Variants in ZBTB20 observed in about 807,000 individuals in gnomAD.
ZBTB20 encodes zinc finger and BTB domain containing 20, also known as zinc finger and BTB domain-containing protein 20.
In ZBTB20, 9 loss-of-function variants were observed where a neutral mutation model predicts 56.9. The observed-to-expected ratio is 0.16, with a 90% confidence interval of 0.10 to 0.28. The LOEUF is 0.28. Ranked by LOEUF, ZBTB20 falls within the 10% of genes least tolerant of loss-of-function variation. ZBTB20 has a pLI of 1.00. For synonymous variants in ZBTB20, 417 were observed against 420.7 expected (o/e 0.99, Z 0.11); for missense variants, 655 against 1,003.0 (o/e 0.65, Z 4.69).
intron 2 of ZBTB20, among the ~76,000 whole-genome samples, chr3:114,991,843 C>T (rs2078825329): frequency 6.6e-6 from 1 of 152,078 alleles, no homozygotes; most frequent in Non-Finnish European, 1.5e-5. Context: ...GAATTGATCC[C>T]TTTACCATCA....
rs574613356 is a variant in ZBTB20 at position 114,333,321 on chromosome 3, G to GC, written c.*5683dup. 147 of 152,328 alleles carry GC rather than the reference G, an allele frequency of 9.7e-4. No homozygotes were observed. Among genetic ancestry groups the GC allele is most frequent in the Non-Finnish European group, 1.8e-3 (123 of 68,032 alleles). The allele number at this position is 152,328 out of a possible 1,614,324, so 9.4% of individuals were successfully genotyped here. ...CTCTCAAGAGCAAGGGCTCTTCCGT[G>GC]CCCCTTTTCTGCCTCTGTATGTAGC... On this transcript the variant is annotated 3_prime_UTR_variant, in exon 12 of 12. Coordinates refer to ENST00000675478, the MANE Select transcript of ZBTB20 (RefSeq NM_001348800.3).
At chr3:114,736,652 T>C (rs1578611102) in intron 5 of ZBTB20, among the ~76,000 whole-genome samples, 1 of 152,220 alleles carries the variant, frequency 6.6e-6, no homozygotes, top group Non-Finnish European at 1.5e-5. Context: ...GTTATCAAAA[T>C]TGGGCATAAA....
At chr3:114,462,043 A>T (rs1287258364) in intron 7 of ZBTB20, among the ~76,000 whole-genome samples, 1 of 152,218 alleles carries the variant, frequency 6.6e-6, no homozygotes, top group African/African-American at 2.4e-5. Context: ...AATTAATAAT[A>T]ATAATAAATT....
At chr3:114,657,065 C>T (rs1394207765) in intron 6 of ZBTB20, among the ~76,000 whole-genome samples, 2 of 152,162 alleles carry the variant, frequency 1.3e-5, no homozygotes, top group African/African-American at 4.8e-5. Context: ...TTACATGTCA[C>T]ATTTTTCTGT....
chr3:114,593,640 T>C (rs2056026032), intron 6 of ZBTB20, among the ~76,000 whole-genome samples: 1 of 152,156 alleles, frequency 6.6e-6, no homozygotes, highest in Non-Finnish European at 1.5e-5. Flanking sequence ...CACCTTGGCC[T>C]CCCAAAGTGC....
At chr3:114,951,332 G>T (rs2077060829) in intron 3 of ZBTB20, among the ~76,000 whole-genome samples, 1 of 151,892 alleles carries the variant, frequency 6.6e-6, no homozygotes, top group African/African-American at 2.4e-5. Context: ...GCCCCAGCTT[G>T]CTGGCTGGAG....
intron 1 of ZBTB20, among the ~76,000 whole-genome samples, chr3:115,086,597 C>A (rs959970553): frequency 2.6e-5 from 4 of 151,854 alleles, no homozygotes; most frequent in African/African-American, 9.7e-5. Flanking sequence ...ATGTGTGTAG[C>A]TGCTTCGGGC....
chr3:114,663,278 C>T (rs886776154), intron 6 of ZBTB20, among the ~76,000 whole-genome samples: 6 of 150,706 alleles, frequency 4.0e-5, no homozygotes, highest in African/African-American at 1.5e-4. Flanking sequence ...ATTTCATATC[C>T]AGCCAAACTA....
intron 6 of ZBTB20, among the ~76,000 whole-genome samples, chr3:114,653,901 A>T (rs1185518909): frequency 6.6e-6 from 1 of 151,922 alleles, no homozygotes; most frequent in Non-Finnish European, 1.5e-5. Flanking sequence ...GAAATTATTG[A>T]CATGAAGTTT....
intron 3 of ZBTB20, among the ~76,000 whole-genome samples, chr3:114,967,259 TAGC>T (rs1243371910): frequency 2.6e-5 from 4 of 152,206 alleles, no homozygotes; most frequent in East Asian, 1.9e-4. Context: ...TTTTATTAAA[TAGC>T]AGCAGAAAAC....
At chr3:114,695,201 A>G in intron 5 of ZBTB20, among the ~76,000 whole-genome samples, 1 of 152,116 alleles carries the variant, frequency 6.6e-6, no homozygotes, top group East Asian at 1.9e-4. Flanking sequence ...AAGAGTTGTC[A>G]AAGACTTATG....
intron 5 of ZBTB20, among the ~76,000 whole-genome samples, chr3:114,772,024 T>C (rs2069245716): frequency 2.0e-5 from 3 of 152,124 alleles, no homozygotes; most frequent in African/African-American, 7.2e-5. Context: ...AGACTTGAGA[T>C]TTTTCTGTTT....
At chr3:114,389,298 T>A (rs536411874) in intron 7 of ZBTB20, among the ~76,000 whole-genome samples, 193 bp from the exon 8 acceptor site, 9 of 152,200 alleles carry the variant, frequency 5.9e-5, no homozygotes, top group Non-Finnish European at 1.0e-4. Flanking sequence ...CCATTTTCAG[T>A]GCTTTCACCT....
intron 2 of ZBTB20, among the ~76,000 whole-genome samples, chr3:115,064,785 C>T (rs1244179028): frequency 6.6e-6 from 1 of 152,106 alleles, no homozygotes; most frequent in Admixed American, 6.5e-5. Context: ...CATCTTCTAG[C>T]TTTGAATGTT....
chr3:114,363,941 G>GA (rs1329867012), intron 10 of ZBTB20, among the ~76,000 whole-genome samples: 1 of 152,130 alleles, frequency 6.6e-6, no homozygotes, highest in Non-Finnish European at 1.5e-5. Flanking sequence ...CTTGCAAAAA[G>GA]AAATTTCAGC....
rs2078787054 is a variant in ZBTB20 at position 114,318,761 on chromosome 3, G to A, written c.*20244C>T. 6.6e-6 allele frequency: 1 copy of A among 152,172 alleles called. No homozygotes were observed. Among genetic ancestry groups the A allele is most frequent in the Admixed American group, 6.5e-5 (1 of 15,282 alleles). The allele number at this position is 152,172 out of a possible 1,614,324, so 9.4% of individuals were successfully genotyped here. The stretch of plus-strand genomic sequence containing the variant: ...ACTTTTTCAAACCATAAAAATTAAA[G>A]CAGGGCTTCGGTGGCTTTGATAATC... On this transcript the variant is annotated 3_prime_UTR_variant, in exon 12 of 12. Transcript: ENST00000675478.
chr3:114,910,443 G>T (rs1450424356), intron 3 of ZBTB20, among the ~76,000 whole-genome samples: 1 of 151,794 alleles, frequency 6.6e-6, no homozygotes, highest in Non-Finnish European at 1.5e-5. Context: ...CTCAACTCTT[G>T]TATAAGGCCC....
At chr3:114,859,690 G>A (rs529193383) in intron 4 of ZBTB20, among the ~76,000 whole-genome samples, 34 of 150,870 alleles carry the variant, frequency 2.3e-4, no homozygotes, top group Non-Finnish European at 4.0e-4. Context: ...CTAAGCAAAG[G>A]CAGTCTTTTA....
intron 7 of ZBTB20, among the ~76,000 whole-genome samples, chr3:114,475,848 A>G (rs929888149): frequency 6.6e-6 from 1 of 152,166 alleles, no homozygotes; most frequent in Non-Finnish European, 1.5e-5. Context: ...TCAAGATAAC[A>G]ACCCTGAATC....
Sources: allele counts gnomAD v4.1 joint callset (sites outside exome capture counted in the v4.1 genomes callset), GRCh38; gene constraint gnomAD v4.1.1; transcripts MANE v1.5; gene names NCBI Gene and HGNC (gene_info 2026-07-23, HGNC 2026-07-21).